The following CIMAP1D variants were observed in gnomAD, a reference collection of about 807,000 sequenced individuals.
CIMAP1D encodes the protein CIMAP1 family member D, also known as protein CIMAP1D.
chr19:486,702 C>A, the CIMAP1D span, among the ~76,000 whole-genome samples: 1 of 151,870 alleles, frequency 6.6e-6, no homozygotes, highest in East Asian at 2.0e-4. Flanking sequence ...ATCACGAGAT[C>A]AGGAGATCGA....
At chr19:470,299 C>T in the CIMAP1D span, among the ~76,000 whole-genome samples, 4 of 151,764 alleles carry the variant, frequency 2.6e-5, no homozygotes, top group South Asian at 2.1e-4. Context: ...CTCCGCCTCC[C>T]GGGTTCATGC....
chr19:464,420 G>A, the CIMAP1D span: 154 of 1,115,138 alleles, frequency 1.4e-4, 5 homozygotes, highest in Middle Eastern at 2.2e-4. Flanking sequence ...CCAGAGACCC[G>A]GCCTGGCTCC....
chr19:472,049 A>T, the CIMAP1D span, among the ~76,000 whole-genome samples: 1 of 152,234 alleles, frequency 6.6e-6, no homozygotes, highest in South Asian at 2.1e-4. Context: ...CCGGCCTGCT[A>T]TTGTTAACTT....
At chr19:464,015 G>C in the CIMAP1D span, 10 of 1,607,526 alleles carry the variant, frequency 6.2e-6, no homozygotes, top group African/African-American at 1.3e-5. Context: ...TCTCCTCCAG[G>C]GGTCGCGGGG....
chr19:476,806 G>A, the CIMAP1D span, among the ~76,000 whole-genome samples: 3 of 152,312 alleles, frequency 2.0e-5, no homozygotes, highest in East Asian at 1.9e-4. Context: ...CACAAAGGAA[G>A]TTAGAAAATT....
At chr19:474,787 G>A in the CIMAP1D span, 1 of 1,420,318 alleles carries the variant, frequency 7.0e-7, no homozygotes, top group South Asian at 1.4e-5. Flanking sequence ...CACGGGGCCT[G>A]GTGCTACCTT....
chr19:472,218 C>G, the CIMAP1D span, among the ~76,000 whole-genome samples: 15,524 of 152,182 alleles, frequency 0.1, 1,484 homozygotes, highest in African/African-American at 0.24. Context: ...GGGACAGCAG[C>G]TTGCCTGAGG....
At chr19:485,237 C>T in the CIMAP1D span, among the ~76,000 whole-genome samples, 1 of 152,202 alleles carries the variant, frequency 6.6e-6, no homozygotes, top group Non-Finnish European at 1.5e-5. Flanking sequence ...GTTTACACCA[C>T]GTGGGTGCGC....
At chr19:477,509 TG>T in the CIMAP1D span, among the ~76,000 whole-genome samples, 3 of 145,950 alleles carry the variant, frequency 2.1e-5, no homozygotes, top group Non-Finnish European at 2.9e-5. Context: ...GCTTGAACCC[TG>T]GAGGTGGAGG....
the CIMAP1D span, among the ~76,000 whole-genome samples, chr19:486,294 G>A: frequency 2.0e-5 from 3 of 152,106 alleles, no homozygotes; most frequent in Non-Finnish European, 2.9e-5. Flanking sequence ...CTCTGGCTGC[G>A]TTGGTCCCTC....
the CIMAP1D span, among the ~76,000 whole-genome samples, chr19:470,280 C>T: frequency 3.3e-5 from 5 of 150,980 alleles, no homozygotes; most frequent in Non-Finnish European, 5.9e-5. Context: ...AGTCTCAGCT[C>T]ACTGCAAGCT....
chr19:485,760 G>A, the CIMAP1D span, among the ~76,000 whole-genome samples: 6 of 152,206 alleles, frequency 3.9e-5, no homozygotes, highest in Admixed American at 1.3e-4. Flanking sequence ...GGGTTCCTCC[G>A]ATGACCTGCT....
chr19:485,464 G>A, the CIMAP1D span, among the ~76,000 whole-genome samples: 2,184 of 152,252 alleles, frequency 0.014, 54 homozygotes, highest in South Asian at 0.082. Context: ...GGCTGCTGCC[G>A]ATCCAAGTCC....
the CIMAP1D span, among the ~76,000 whole-genome samples, chr19:471,034 C>T: frequency 6.6e-6 from 1 of 152,226 alleles, no homozygotes; most frequent in Non-Finnish European, 1.5e-5. Flanking sequence ...CGGGGAGCCC[C>T]CACCTTCATG....
the CIMAP1D span, among the ~76,000 whole-genome samples, chr19:468,462 G>A: frequency 6.6e-6 from 1 of 152,148 alleles, no homozygotes; most frequent in Non-Finnish European, 1.5e-5. Context: ...TAAGAGGGGG[G>A]CTCGGCGTTG....
At chr19:465,889 C>T in the CIMAP1D span, among the ~76,000 whole-genome samples, 71,206 of 88,386 alleles carry the variant, frequency 0.81, 27,536 homozygotes, top group East Asian at 0.97. Context: ...GGTGGATGGG[C>T]GGGTGGATGG....
the CIMAP1D span, among the ~76,000 whole-genome samples, chr19:476,764 C>T: frequency 8.3e-4 from 127 of 152,274 alleles, no homozygotes; most frequent in Admixed American, 1.7e-3. Flanking sequence ...AAACAACATA[C>T]TTCTGAATAA....
the CIMAP1D span, among the ~76,000 whole-genome samples, chr19:484,201 C>T: frequency 1.3e-4 from 19 of 143,150 alleles, no homozygotes; most frequent in South Asian, 1.9e-3. Context: ...AGTGCAATGG[C>T]GCGATCTTGG....
the CIMAP1D span, among the ~76,000 whole-genome samples, chr19:482,177 C>T: frequency 1.3e-5 from 2 of 152,202 alleles, no homozygotes; most frequent in African/African-American, 2.4e-5. Flanking sequence ...AATATCATTT[C>T]TGCATATGAA....
Sources: allele counts gnomAD v4.1 joint callset (sites outside exome capture counted in the v4.1 genomes callset), GRCh38; gene constraint gnomAD v4.1.1; transcripts MANE v1.5; gene names NCBI Gene and HGNC (gene_info 2026-07-23, HGNC 2026-07-21).